Variants in TEX11 observed in about 807,000 individuals in gnomAD.
TEX11 encodes testis expressed 11.
A neutral mutation model predicts 84.4 loss-of-function variants in TEX11; 7 were observed. The ratio of observed to expected loss-of-function variants is 0.08; its 90% CI spans 0.05 to 0.16. The LOEUF (loss-of-function observed/expected upper bound fraction) is 0.16, where lower values mean the gene tolerates loss of function less well. Among genes scored for constraint, TEX11 ranks in the 10% least tolerant of loss-of-function variants. The pLI, the probability that TEX11 is intolerant of heterozygous loss-of-function variation, is 1.00. For synonymous variants in TEX11, 264 were observed against 222.8 expected (o/e 1.18, Z -1.64); for missense variants, 551 against 660.5 (o/e 0.83, Z 1.82).
At chrX:70,727,806 G>A (rs902977409) in intron 11 of TEX11, among the ~76,000 whole-genome samples, 3 of 110,401 alleles carry the variant, frequency 2.7e-5, no homozygotes, top group African/African-American at 9.9e-5. Context: ...GAAAGAAGGT[G>A]GCCATCTTCA....
At chrX:70,749,318 T>G (rs1191468331) in intron 9 of TEX11, among the ~76,000 whole-genome samples, 4 of 108,666 alleles carry the variant, frequency 3.7e-5, no homozygotes, top group Non-Finnish European at 7.6e-5. Flanking sequence ...AAGGAGATTT[T>G]GGGCTGAGAC....
At chrX:70,764,312 G>T (rs1288620670) in intron 9 of TEX11, among the ~76,000 whole-genome samples, 2 of 111,297 alleles carry the variant, frequency 1.8e-5, no homozygotes, top group Admixed American at 9.6e-5. Flanking sequence ...CAAAATGTAT[G>T]GAATACAGCA....
chrX:70,626,777 T>TA (rs2089455406), intron 18 of TEX11, among the ~76,000 whole-genome samples: 1 of 112,519 alleles, frequency 8.9e-6, no homozygotes, highest in South Asian at 3.7e-4. Flanking sequence ...GCCTTAGTGC[T>TA]ACTGGCAAGC....
At chrX:70,886,213 G>A (rs2091708248) in intron 2 of TEX11, among the ~76,000 whole-genome samples, 1 of 111,368 alleles carries the variant, frequency 9.0e-6, no homozygotes, top group Admixed American at 9.6e-5. Flanking sequence ...GCAAATGAAT[G>A]GATAAAGAAA....
intron 13 of TEX11, among the ~76,000 whole-genome samples, chrX:70,696,642 G>A (rs1329859765): frequency 1.8e-5 from 2 of 110,757 alleles, no homozygotes; most frequent in African/African-American, 3.3e-5. Context: ...GGTGGTGTGC[G>A]CCTGTAGTCC....
intron 7 of TEX11, among the ~76,000 whole-genome samples, chrX:70,839,840 A>G (rs1300116169): frequency 8.9e-6 from 1 of 112,109 alleles, no homozygotes; most frequent in Non-Finnish European, 1.9e-5. Flanking sequence ...TACGTGATGA[A>G]CGCAGAAGCC....
At chrX:70,672,333 T>C (rs1161479471) in intron 15 of TEX11, among the ~76,000 whole-genome samples, 3 of 111,845 alleles carry the variant, frequency 2.7e-5, no homozygotes, top group Non-Finnish European at 5.6e-5. Context: ...TGCAAGTTTT[T>C]GTATGGATAA....
chrX:70,670,948 A>G (rs1380763647), intron 15 of TEX11, among the ~76,000 whole-genome samples: 2 of 111,957 alleles, frequency 1.8e-5, no homozygotes, highest in South Asian at 7.4e-4. Context: ...CGTAGCTTAT[A>G]TAGAATTTCA....
chrX:70,864,849 T>C (rs1357052919), intron 4 of TEX11, among the ~76,000 whole-genome samples: 2 of 110,596 alleles, frequency 1.8e-5, no homozygotes, highest in Non-Finnish European at 3.8e-5. Flanking sequence ...CAAATGCTGT[T>C]GGATTTTGTG....
At chrX:70,612,575 G>GAA (rs34086335) in intron 20 of TEX11, among the ~76,000 whole-genome samples, 18 of 103,485 alleles carry the variant, frequency 1.7e-4, no homozygotes, top group South Asian at 9.1e-4. Flanking sequence ...CAAAGCTGAG[G>GAA]AAAAAAAAAA....
intron 24 of TEX11, among the ~76,000 whole-genome samples, chrX:70,604,912 A>C (rs973018932): frequency 1.2e-4 from 13 of 111,573 alleles, no homozygotes; most frequent in South Asian, 3.7e-4. Context: ...AATTCAGGCA[A>C]AGGTAAGGAA....
At chrX:70,512,573 C>T in the TEX11 span, among the ~76,000 whole-genome samples, 4 of 108,106 alleles carry the variant, frequency 3.7e-5, no homozygotes, top group East Asian at 5.8e-4. Context: ...ACTTTCCCCC[C>T]ACTTTCATAG....
intron 25 of TEX11, among the ~76,000 whole-genome samples, chrX:70,581,294 CTT>C (rs35102694): frequency 0.077 from 3,343 of 43,597 alleles, 331 homozygotes; most frequent in African/African-American, 0.25. Flanking sequence ...TATACTGTTG[CTT>C]TTTTTTTTTT....
chrX:70,718,450 A>C (rs1053008607), intron 13 of TEX11, among the ~76,000 whole-genome samples: 2 of 111,991 alleles, frequency 1.8e-5, no homozygotes, highest in Non-Finnish European at 3.8e-5. Flanking sequence ...AAATGACTTC[A>C]CTAAGAACAT....
At chrX:70,635,741 A>G (rs1359947036) in intron 17 of TEX11, among the ~76,000 whole-genome samples, 1 of 109,921 alleles carries the variant, frequency 9.1e-6, no homozygotes, top group Non-Finnish European at 1.9e-5. Context: ...CCTTGTAGAT[A>G]TAGGATCCAG....
chrX:70,688,081 A>G (rs2147665578), intron 13 of TEX11, among the ~76,000 whole-genome samples: 1 of 111,435 alleles, frequency 9.0e-6, no homozygotes, highest in African/African-American at 3.3e-5. Flanking sequence ...TAAATATTCA[A>G]AGAAATAATG....
chrX:70,897,608 AAAGGAAGGAAGGAAGGAAGGAAGG>A (rs199764412), intron 2 of TEX11: 59 of 53,855 alleles, frequency 1.1e-3, no homozygotes, highest in African/African-American at 2.7e-3. Flanking sequence ...AAGAAAGAAA[AAAGGAAGGAAGGAAGGAAGGAAGG>A]AAGGAAGGAA....
chrX:70,560,439 TG>T (rs1306781445), intron 25 of TEX11, among the ~76,000 whole-genome samples: 24 of 111,483 alleles, frequency 2.2e-4, no homozygotes, highest in African/African-American at 7.8e-4. Flanking sequence ...AACGAGCCAC[TG>T]TGCCCAGCCA....
rs1053992988 is a variant in TEX11 at position 70,554,877 on chromosome X, G to C, written c.2141-77C>G. The stretch of plus-strand genomic sequence containing the variant: ...TCTTTGGTTGTAATTTCACTAACTG[G>C]AGAGGTTTTCCTTCTAAGAAATATT... On this transcript the variant is annotated intron_variant, in intron 25 of 29. Coordinates refer to ENST00000374333, the MANE Select transcript of TEX11 (RefSeq NM_031276.3). The C allele has an allele frequency of 3.5e-4, 335 of 947,288 alleles. 1 individual carries two copies. Among genetic ancestry groups the C allele is most frequent in the Non-Finnish European group, 8.1e-5 (58 of 712,591 alleles). 78.1% of individuals were successfully genotyped at this position (947,288 alleles called of 1,213,427 possible).
Sources: gnomAD v4.1 joint callset for allele counts (sites outside exome capture counted in the v4.1 genomes callset) on GRCh38, gnomAD v4.1.1 for gene constraint, MANE v1.5 for transcripts, NCBI Gene and HGNC (gene_info 2026-07-23, HGNC 2026-07-21) for gene names.